The following ARFGEF3 variants were observed in gnomAD, a reference collection of about 807,000 sequenced individuals.
The protein encoded by ARFGEF3 is brefeldin A-inhibited guanine nucleotide-exchange protein 3.
ARFGEF3 carries 96 observed loss-of-function variants against 221.7 expected under a neutral mutation model. The observed-to-expected ratio is 0.43, with a 90% confidence interval of 0.37 to 0.51. The LOEUF is 0.51. Among genes scored for constraint, ARFGEF3 ranks in the 20% least tolerant of loss-of-function variants. The pLI is 0.00. For missense variants in ARFGEF3, 2,410 were observed against 2,789.9 expected, an observed-to-expected ratio of 0.86 and a Z score of 3.07; for synonymous variants, 1,145 against 1,126.8, an observed-to-expected ratio of 1.02 and a Z score of -0.32.
Position 138,253,875 on chromosome 6 carries a change from T to G in ARFGEF3, c.666-5T>G. On this transcript the variant is annotated splice_region_variant and splice_polypyrimidine_tract_variant and intron_variant, in intron 8 of 33. Coordinates refer to ENST00000251691, the MANE Select transcript of ARFGEF3 (RefSeq NM_020340.5). ...TGCATTTGTGTCGGTTCTGCTCTTC[T>G]GCAGTGACAGCCAGCAGCTGCAGCT... 6.4e-7 allele frequency: 1 copy of G among 1,569,928 alleles called. No homozygotes were observed. The highest frequency in any genetic ancestry group is 2.3e-5 in the East Asian group (1 of 42,830).
intron 10 of ARFGEF3, among the ~76,000 whole-genome samples, chr6:138,257,443 G>A (rs192492447): frequency 3.9e-5 from 6 of 152,338 alleles, no homozygotes; most frequent in Non-Finnish European, 5.9e-5. Context: ...AGGGAGAAGA[G>A]AGGCCTAGAA....
intron 5 of ARFGEF3, among the ~76,000 whole-genome samples, chr6:138,235,108 CTA>C (rs1308526141): frequency 6.6e-6 from 1 of 152,160 alleles, no homozygotes; most frequent in African/African-American, 2.4e-5. Flanking sequence ...GTATTGTTAT[CTA>C]TCAGTCTACT....
intron 14 of ARFGEF3, among the ~76,000 whole-genome samples, chr6:138,283,780 A>C (rs1326028815): frequency 6.6e-6 from 1 of 152,266 alleles, no homozygotes; most frequent in African/African-American, 2.4e-5. Flanking sequence ...TTGATAAATG[A>C]AAATTTCTGG....
In ARFGEF3 at chr6:138,341,492, G is replaced by A. The variant is rs544630827; in HGVS notation, c.*5006G>A. On this transcript the variant is annotated 3_prime_UTR_variant, in exon 34 of 34. Coordinates refer to ENST00000251691, the MANE Select transcript of ARFGEF3 (RefSeq NM_020340.5). ...CAGATGACAAAACTTCAATATGCTT[G>A]GGCACCACTTAGGTGACCCCAGGGA... 58 of 154,846 alleles carry A rather than the reference G, an allele frequency of 3.7e-4. No homozygotes were observed. Among genetic ancestry groups the A allele is most frequent in the Middle Eastern group, 2.6e-3 (5 of 1,916 alleles). The allele number at this position is 154,846 out of a possible 1,614,324, so 9.6% of individuals were successfully genotyped here. A position where few individuals can be genotyped will look rare whatever the true frequency, so the allele number is the denominator to read the frequency against.
chr6:138,249,458 T>A (rs549496106), intron 8 of ARFGEF3, among the ~76,000 whole-genome samples: 1 of 152,230 alleles, frequency 6.6e-6, no homozygotes, highest in African/African-American at 2.4e-5. Flanking sequence ...GCCTCCTGAG[T>A]AGCTGGGACT....
At chr6:138,253,664 A>G (rs566302891) in intron 8 of ARFGEF3, among the ~76,000 whole-genome samples, 61 of 152,280 alleles carry the variant, frequency 4.0e-4, no homozygotes, top group African/African-American at 1.4e-3. Flanking sequence ...GCAAGGACCT[A>G]TCTCCAAATA....
At chr6:138,330,229 C>CA (rs1441441381) in intron 32 of ARFGEF3, among the ~76,000 whole-genome samples, 1 of 152,050 alleles carries the variant, frequency 6.6e-6, no homozygotes, top group East Asian at 1.9e-4. Context: ...GTGGCACCTT[C>CA]AGGAGGAAAT....
At chr6:138,218,491 C>T in intron 4 of ARFGEF3, 1 of 1,443,770 alleles carries the variant, frequency 6.9e-7, no homozygotes. Context: ...TATTTAAGGT[C>T]CTAACCATCA....
At chr6:138,279,810 A>G (rs1186688581) in intron 13 of ARFGEF3, among the ~76,000 whole-genome samples, 189 bp from the exon 14 acceptor site, 1 of 152,218 alleles carries the variant, frequency 6.6e-6, no homozygotes, top group Non-Finnish European at 1.5e-5. Context: ...AGGTGTCATC[A>G]GTGAAGGAAA....
intron 4 of ARFGEF3, chr6:138,216,634 C>T (rs1392901625): frequency 6.6e-6 from 1 of 152,236 alleles, no homozygotes; most frequent in African/African-American, 2.4e-5. Flanking sequence ...AGAATGTGAT[C>T]ATTAGTGAAG....
At chr6:138,306,363 A>G (rs1056632713) in intron 22 of ARFGEF3, among the ~76,000 whole-genome samples, 1 of 152,204 alleles carries the variant, frequency 6.6e-6, no homozygotes. Context: ...GAAAGACTCA[A>G]TATTTTTAAA....
chr6:138,233,576 G>A (rs899720829), intron 5 of ARFGEF3, among the ~76,000 whole-genome samples: 5 of 151,884 alleles, frequency 3.3e-5, no homozygotes, highest in South Asian at 2.1e-4. Context: ...TTGGGATTTC[G>A]CCTTATTGGC....
At chr6:138,189,965 T>A (rs1777264617) in intron 2 of ARFGEF3, among the ~76,000 whole-genome samples, 1 of 151,902 alleles carries the variant, frequency 6.6e-6, no homozygotes, top group African/African-American at 2.4e-5. Context: ...ATCCCTGTAG[T>A]CTCAGGTACC....
rs1248021675 is a variant in ARFGEF3 at position 138,263,151 on chromosome 6, G to A, written c.1668G>A (p.Ala556=). 7.4e-6 allele frequency: 12 copies of A among 1,613,828 alleles called. No homozygotes were observed. Among genetic ancestry groups the A allele is most frequent in the Admixed American group, 1.7e-5 (1 of 60,004 alleles). The change falls in exon 12 of 34, where the codon GCG becomes GCA. Residue 556 remains alanine (A), a synonymous_variant. Transcript: ENST00000251691. ...TGAGCAAAGTATTGGAAACAGAGGC[G>A]GTAGACCAGCCAGATGTCGTGCAGA... The part of the protein sequence containing the change: ...ETLSKVLETE[A]VDQPDVVQRS...
intron 10 of ARFGEF3, among the ~76,000 whole-genome samples, chr6:138,256,302 A>G (rs1778679723): frequency 6.6e-6 from 1 of 152,168 alleles, no homozygotes; most frequent in Non-Finnish European, 1.5e-5. Context: ...GTGCTACTTC[A>G]TGGTTTTGAG....
At chr6:138,250,022 G>C (rs1272378858) in intron 8 of ARFGEF3, among the ~76,000 whole-genome samples, 1 of 152,154 alleles carries the variant, frequency 6.6e-6, no homozygotes, top group Non-Finnish European at 1.5e-5. Context: ...CATTGCTTCT[G>C]ATTTTACTAA....
chr6:138,291,835 TG>T lies in ARFGEF3; in HGVS notation c.3152del (p.Gly1051AlafsTer23). 6.7e-7 allele frequency: 1 copy of T among 1,498,532 alleles called. No homozygotes were observed. The highest frequency in any genetic ancestry group is 8.9e-7 in the Non-Finnish European group (1 of 1,121,442). The allele number at this position is 1,498,532 out of a possible 1,614,324, so 92.8% of individuals were successfully genotyped here. A position where few individuals can be genotyped will look rare whatever the true frequency, so the allele number is the denominator to read the frequency against. ...SQPQKATGSA[G>X]LLGDPECEGS... Reference sequence around the variant, plus strand: ...AGCCCCAGAAGGCCACTGGAAGCGCTGGCCTCCTTGGGGACCCCGAGTGTGA... The same window carrying T: ...AGCCCCAGAAGGCCACTGGAAGCGCTGCCTCCTTGGGGACCCCGAGTGTGA... On this transcript the variant is annotated frameshift_variant, in exon 19 of 34. Transcript: ENST00000251691. LOFTEE classifies it high-confidence loss of function. The surrounding 1 kb of genome is among the most constrained non-coding windows in gnomAD (Gnocchi z 4.5).
intron 4 of ARFGEF3, among the ~76,000 whole-genome samples, chr6:138,227,661 T>C (rs1778110331): frequency 6.6e-6 from 1 of 151,872 alleles, no homozygotes; most frequent in Non-Finnish European, 1.5e-5. Flanking sequence ...GCACTAAAAA[T>C]AAAAAACCTC....
intron 2 of ARFGEF3, among the ~76,000 whole-genome samples, chr6:138,185,747 A>G (rs1269990647): frequency 6.6e-6 from 1 of 152,186 alleles, no homozygotes; most frequent in Admixed American, 6.5e-5. Flanking sequence ...ACCTTTCTCC[A>G]TAAATTACTG....
Sources: allele counts gnomAD v4.1 joint callset (sites outside exome capture counted in the v4.1 genomes callset), GRCh38; gene constraint gnomAD v4.1.1; non-coding constraint Gnocchi (gnomAD v3.1); transcripts MANE v1.5; gene names NCBI Gene and HGNC (gene_info 2026-07-23, HGNC 2026-07-21).